The following DOCK3 variants were observed in gnomAD, a reference collection of about 807,000 sequenced individuals.
The protein encoded by DOCK3 is dedicator of cytokinesis protein 3.
Under a neutral mutation model 265.6 loss-of-function variants are expected in DOCK3, and 60 were observed. The ratio of observed to expected loss-of-function variants is 0.23; its 90% confidence interval spans 0.18 to 0.28. DOCK3 has a LOEUF of 0.28. Ranked by LOEUF, DOCK3 falls within the 10% of genes least tolerant of loss-of-function variation. DOCK3 has a pLI of 1.00. For missense variants in DOCK3, 1,981 were observed against 2,594.3 expected (o/e 0.76, Z 5.14); for synonymous variants, 881 against 938.0 (o/e 0.94, Z 1.11).
intron 6 of DOCK3, among the ~76,000 whole-genome samples, chr3:51,067,519 C>T (rs961355324): frequency 9.3e-5 from 14 of 149,782 alleles, no homozygotes; most frequent in Admixed American, 6.0e-4. Flanking sequence ...AAACACAGTT[C>T]CATTCCCCTC....
intron 5 of DOCK3, among the ~76,000 whole-genome samples, chr3:51,049,832 A>ACACACACC (rs1559990029): frequency 9.3e-5 from 6 of 64,362 alleles, no homozygotes; most frequent in African/African-American, 2.8e-4. Flanking sequence ...CACACACCCC[A>ACACACACC]AAAAAACACT....
intron 14 of DOCK3, among the ~76,000 whole-genome samples, chr3:51,216,831 G>A (rs146347447): frequency 6.6e-6 from 1 of 152,170 alleles, no homozygotes; most frequent in African/African-American, 2.4e-5. Flanking sequence ...GAAGTCCTTA[G>A]GAGTCTTTTT....
intron 9 of DOCK3, among the ~76,000 whole-genome samples, chr3:51,099,346 A>G (rs1320069862): frequency 1.3e-5 from 2 of 152,226 alleles, no homozygotes; most frequent in East Asian, 1.9e-4. Context: ...TGTATATGCC[A>G]TCCTTCATTA....
chr3:51,343,638 G>A (rs994407902), intron 38 of DOCK3, among the ~76,000 whole-genome samples: 1 of 152,230 alleles, frequency 6.6e-6, no homozygotes, highest in Non-Finnish European at 1.5e-5. Flanking sequence ...TGTAGATGGG[G>A]ATGCATTGCA....
chr3:50,768,236 A>G (rs1666771303), intron 1 of DOCK3, among the ~76,000 whole-genome samples: 1 of 152,182 alleles, frequency 6.6e-6, no homozygotes. Context: ...CCTATTCAGT[A>G]TGATATTGGC....
At chr3:50,978,893 G>C (rs1452447294) in intron 5 of DOCK3, among the ~76,000 whole-genome samples, 1 of 152,208 alleles carries the variant, frequency 6.6e-6, no homozygotes, top group African/African-American at 2.4e-5. Flanking sequence ...ATTCGGGTGG[G>C]AGTGACCCGA....
chr3:50,783,953 C>T (rs1440792873), intron 2 of DOCK3, among the ~76,000 whole-genome samples: 5 of 151,602 alleles, frequency 3.3e-5, no homozygotes, highest in Admixed American at 1.3e-4. Flanking sequence ...CCGCAACCTC[C>T]GCCTCCCAAG....
rs371222465 is a variant in DOCK3 at position 51,357,033 on chromosome 3, C to G, written c.4575C>G (p.Ile1525Met). 6.2e-7 allele frequency: 1 copy of G among 1,613,324 alleles called. No homozygotes were observed. The highest frequency in any genetic ancestry group is 1.3e-5 in the African/African-American group (1 of 74,934). Reference protein sequence around the residue: ...ENKNQELRSLISQYQHKQVHG... With the variant: ...ENKNQELRSLMSQYQHKQVHG... ...AGAACCAGGAGCTACGCTCCCTGAT[C>G]AGCCAGTATCAACACAAGCAGGTGC... Residue 1525 changes from isoleucine (I) to methionine (M), a missense_variant, in exon 44 of 53, where the codon ATC becomes ATG. Ile to Met is a conservative substitution (Grantham distance 10, BLOSUM62 1). Coordinates refer to ENST00000266037, the MANE Select transcript of DOCK3 (RefSeq NM_004947.5).
chr3:51,357,915 G>A (rs1428131985), intron 45 of DOCK3, 46 bp from the exon 46 acceptor site: 2 of 1,612,744 alleles, frequency 1.2e-6, no homozygotes, highest in Admixed American at 1.7e-5. Flanking sequence ...CAGTTCTCAG[G>A]GGCTACTCAT....
chr3:50,920,827 T>C lies in DOCK3; in HGVS notation c.219-13154T>C, dbSNP rs540288333. On this transcript the variant is annotated intron_variant, in intron 4 of 52. Transcript: ENST00000266037. ...GTTTGCTCTTGCTTCTCTAGTTCTT[T>C]TAATTGTGATGTTAGGGTGTCAATT... Among the ~76,000 whole-genome samples, 7 of 152,322 alleles carry C rather than the reference T, an allele frequency of 4.6e-5. No homozygotes were observed. In the East Asian group the frequency reaches 1.3e-3, roughly 29 times the overall value.
intron 9 of DOCK3, among the ~76,000 whole-genome samples, chr3:51,110,922 T>C (rs1309268303): frequency 6.6e-6 from 1 of 152,196 alleles, no homozygotes; most frequent in Non-Finnish European, 1.5e-5. Flanking sequence ...GGTTCTATTC[T>C]AGAAAACCCC....
chr3:51,271,284 C>A (rs1248700778), intron 24 of DOCK3, among the ~76,000 whole-genome samples: 1 of 152,172 alleles, frequency 6.6e-6, no homozygotes, highest in African/African-American at 2.4e-5. Context: ...TAACAGAATA[C>A]CATAGACTGG....
intron 4 of DOCK3, among the ~76,000 whole-genome samples, chr3:50,904,305 A>G (rs2049357902): frequency 6.6e-6 from 1 of 152,214 alleles, no homozygotes; most frequent in Non-Finnish European, 1.5e-5. Context: ...GTCAGATGGT[A>G]TTTCTAGTTC....
At chr3:50,860,829 T>G (rs2046872552) in intron 3 of DOCK3, among the ~76,000 whole-genome samples, 2 of 152,308 alleles carry the variant, frequency 1.3e-5, no homozygotes, top group Middle Eastern at 3.4e-3. Context: ...TCTTCTGAGG[T>G]GCCATGGAAG....
intron 49 of DOCK3, among the ~76,000 whole-genome samples, chr3:51,369,681 T>A (rs1388743308): frequency 6.6e-6 from 1 of 151,662 alleles, no homozygotes; most frequent in Non-Finnish European, 1.5e-5. Flanking sequence ...GTAGGAGTGA[T>A]GGAGAGAAGC....
chr3:50,783,055 G>A (rs9838283), intron 2 of DOCK3, among the ~76,000 whole-genome samples: 127,430 of 150,632 alleles, frequency 0.85, 54,287 homozygotes, highest in East Asian at 0.95. Flanking sequence ...ACCACCACAC[G>A]TTTTCTTTAT....
At chr3:50,822,065 T>G (rs190941287) in intron 2 of DOCK3, among the ~76,000 whole-genome samples, 1 of 152,312 alleles carries the variant, frequency 6.6e-6, no homozygotes, top group East Asian at 1.9e-4. Context: ...TTGATAGGAA[T>G]AGTGTTGAAT....
At chr3:51,076,774 A>G (rs1293274262) in intron 7 of DOCK3, among the ~76,000 whole-genome samples, 1 of 152,164 alleles carries the variant, frequency 6.6e-6, no homozygotes, top group Non-Finnish European at 1.5e-5. Flanking sequence ...AGAGGTAGTG[A>G]CTGGTTTCCT....
At chr3:50,878,624 T>C (rs924928426) in intron 3 of DOCK3, among the ~76,000 whole-genome samples, 3 of 152,144 alleles carry the variant, frequency 2.0e-5, no homozygotes, top group Non-Finnish European at 4.4e-5. Context: ...AATATGGCAC[T>C]ATGTGAAAAG....
Sources: allele counts gnomAD v4.1 joint callset (sites outside exome capture counted in the v4.1 genomes callset), GRCh38; gene constraint gnomAD v4.1.1; transcripts MANE v1.5; gene names NCBI Gene and HGNC (gene_info 2026-07-23, HGNC 2026-07-21).